The following POLR1C variants were observed in gnomAD, a reference collection of about 807,000 sequenced individuals.
POLR1C encodes the protein DNA-directed RNA polymerases I and III subunit RPAC1.
Under a neutral mutation model 38.3 loss-of-function variants are expected in POLR1C, and 42 were observed. The ratio of observed to expected loss-of-function variants is 1.10; its 90% CI spans 0.86 to 1.42. POLR1C has a LOEUF of 1.42. POLR1C is among the 40% of genes most tolerant of loss of function. POLR1C has a pLI of 0.00. For missense variants in POLR1C, 507 were observed against 450.5 expected (o/e 1.13, Z -1.14); for synonymous variants, 163 against 163.9 (o/e 0.99, Z 0.04).
At position 43,558,107 on chromosome 6, in the gene POLR1C, C is replaced by A. The variant is rs532130605; in HGVS notation, c.*49-3293C>A. 5.4e-5 allele frequency among the ~76,000 whole-genome samples: 8 copies of A among 147,894 alleles called. No homozygotes were observed. In the South Asian group the frequency reaches 8.6e-4, roughly 16 times the overall value. The stretch of plus-strand genomic sequence containing the variant: ...TGAAACTCCATCTCAAAAAAAAAAA[C>A]AAACAAAAAGGAAATAAGGCACAGA... On this transcript the variant is annotated intron_variant, in intron 10 of 10. Coordinates refer to the POLR1C transcript ENST00000607635.
At chr6:43,524,855 C>T (rs1793459459), downstream of POLR1C, 1 of 1,613,674 alleles carries the variant, frequency 6.2e-7, no homozygotes, top group Non-Finnish European at 8.5e-7. Flanking sequence ...TCTGGAAGGC[C>T]AGATGGACCA....
chr6:43,529,595 T>C (rs1793832885), downstream of POLR1C: 2 of 187,110 alleles, frequency 1.1e-5, no homozygotes, highest in Non-Finnish European at 2.2e-5. Context: ...ATTCAACTAT[T>C]AATAAGGGTC....
chr6:43,519,522 C>A, intron 3 of POLR1C, 82 bp downstream of exon 3: 2 of 1,339,126 alleles, frequency 1.5e-6, no homozygotes, highest in Non-Finnish European at 1.1e-6. Context: ...GTGTCTCAAG[C>A]TGTCCTTCCC....
Position 43,519,398 on chromosome 6 carries a change from C to A in POLR1C, c.207C>A (p.Asp69Glu). 1 of 1,613,726 alleles carries A rather than the reference C, an allele frequency of 6.2e-7. No individual in the cohort carries two copies. Among genetic ancestry groups the A allele is most frequent in the South Asian group, 1.1e-5 (1 of 91,068 alleles). Residue 69 changes from aspartate (D) to glutamate (E), a missense_variant, in exon 3 of 9, where the codon GAC becomes GAA. Transcript: ENST00000642195. ...NSLEFDMVGI[D>E]AAIANAFRRI... is the part of the protein sequence containing the mutation. ...TGGAGTTTGACATGGTGGGAATTGA[C>A]GCAGCCATTGCCAATGCTTTTCGAC...
intron 2 of POLR1C, 101 bp from the exon 3 acceptor site, chr6:43,519,232 G>T (rs188823884): frequency 1.3e-6 from 1 of 766,090 alleles, no homozygotes; most frequent in African/African-American, 1.7e-5. Context: ...GAGGTTTTTG[G>T]ATGAGAGGAT....
rs1023722569 is a variant in POLR1C, at chr6:43,553,223, G to C, written c.*48+2212G>C. ...AGCCTGAGGTAGGAGGATTGCTTGA[G>C]CCCAGGAGTTGGAGGTTACAGAGAG... On this transcript the variant is annotated intron_variant, in intron 10 of 10. Transcript: ENST00000607635. 33 of 981,240 alleles carry C rather than the reference G, an allele frequency of 3.4e-5. No individual in the cohort carries two copies. The African/African-American group carries it at 4.3e-4, about 13-fold the overall frequency. The allele number at this position is 981,240 out of a possible 1,614,324, so 60.8% of individuals were successfully genotyped here. A position where few individuals can be genotyped will look rare whatever the true frequency, so the allele number is the denominator to read the frequency against.
At chr6:43,518,680 A>G (rs2127688259) in intron 2 of POLR1C, among the ~76,000 whole-genome samples, 1 of 152,216 alleles carries the variant, frequency 6.6e-6, no homozygotes, top group East Asian at 1.9e-4. Context: ...AGTTCAAAAA[A>G]GGAGGAGATT....
At chr6:43,524,663 G>C (rs1468174882), downstream of POLR1C, 1 of 1,607,586 alleles carries the variant, frequency 6.2e-7, no homozygotes, top group Non-Finnish European at 8.5e-7. Flanking sequence ...AAACTTACTG[G>C]ATGTAGGTTT....
At chr6:43,554,278 G>C (rs191278648) in intron 10 of POLR1C, among the ~76,000 whole-genome samples, 4 of 150,944 alleles carry the variant, frequency 2.6e-5, no homozygotes, top group Admixed American at 6.6e-5. Context: ...GCTAATTTTT[G>C]TATTTTTTTT....
intron 9 of POLR1C, among the ~76,000 whole-genome samples, chr6:43,535,859 A>T (rs1321825756): frequency 6.7e-6 from 1 of 149,604 alleles, no homozygotes; most frequent in African/African-American, 2.5e-5. Flanking sequence ...GCAGTGGCTC[A>T]CGCCTGTAAT....
chr6:43,521,390 G>A lies in POLR1C; in HGVS notation c.*90G>A, dbSNP rs1372288850. ...GAACAGAGAGCCCAGTGTGACTAGGGATCCTGAGTTTTCTGGGACAATTCC... is the reference window on the plus strand; with the variant it reads ...GAACAGAGAGCCCAGTGTGACTAGGAATCCTGAGTTTTCTGGGACAATTCC... On this transcript the variant is annotated 3_prime_UTR_variant, in exon 9 of 9. Transcript: ENST00000642195. 13 of 1,601,734 alleles carry A rather than the reference G, an allele frequency of 8.1e-6. No individual in the cohort carries two copies. Among genetic ancestry groups the A allele is most frequent in the Admixed American group, 3.4e-5 (2 of 59,390 alleles).
intron 9 of POLR1C, among the ~76,000 whole-genome samples, chr6:43,540,568 G>A (rs1048526003): frequency 3.3e-5 from 5 of 152,280 alleles, no homozygotes; most frequent in African/African-American, 1.2e-4. Context: ...CAGGAGAAGC[G>A]CTTGAACCTG....
chr6:43,562,084 T>C (rs1325744872), exon 11 of POLR1C: 4 of 527,470 alleles, frequency 7.6e-6, no homozygotes, highest in Non-Finnish European at 1.3e-5. Context: ...TCAAACACTA[T>C]TCTATTAAGA....
rs780211700 is a variant in POLR1C, at chr6:43,555,809, TA to T, written c.*48+4800del. 10 of 1,613,384 alleles carry T rather than the reference TA, an allele frequency of 6.2e-6. No individual in the cohort carries two copies. The South Asian group carries it at 9.9e-5, about 16-fold the overall frequency. Reference sequence around the variant, plus strand: ...TTTTGATACTGTCCTAACATTTCACTAACATTCAGTAATGAAAAAAACTTAC... The same window carrying T: ...TTTTGATACTGTCCTAACATTTCACTACATTCAGTAATGAAAAAAACTTAC... On this transcript the variant is annotated intron_variant, in intron 10 of 10. Coordinates refer to the POLR1C transcript ENST00000607635.
At chr6:43,531,665 G>T, downstream of POLR1C, 1 of 1,126,350 alleles carries the variant, frequency 8.9e-7, no homozygotes, top group Non-Finnish European at 1.4e-6. Context: ...GTTGTTCAGG[G>T]GTGAAGATGT....
In POLR1C at chr6:43,527,615, G is replaced by A. The variant is rs367580698; in HGVS notation, c.923-1634G>A. 369 of 1,613,344 alleles carry A rather than the reference G, an allele frequency of 2.3e-4. 6 individuals carry two copies. The South Asian group carries it at 3.6e-3, about 16-fold the overall frequency. On this transcript the variant is annotated intron_variant, in intron 8 of 8. Coordinates refer to the POLR1C transcript ENST00000304004. ...TCCAGGAAAATCCTCTATAGCCCCA[G>A]TTTCGACATGCCACTTACTGATTAG...
intron 9 of POLR1C, chr6:43,549,581 G>GA (rs1277724578): frequency 4.3e-6 from 7 of 1,612,082 alleles, no homozygotes; most frequent in Non-Finnish European, 5.1e-6. Context: ...CTGGGGGCCT[G>GA]AAAAGAGACA....
At chr6:43,542,960 C>T (rs1230764860) in intron 9 of POLR1C, among the ~76,000 whole-genome samples, 1 of 151,752 alleles carries the variant, frequency 6.6e-6, no homozygotes, top group African/African-American at 2.4e-5. Flanking sequence ...AAAATATCAC[C>T]CAAAGGTCCA....
At chr6:43,528,538 T>G (rs1172094889) in intron 8 of POLR1C, among the ~76,000 whole-genome samples, 1 of 152,126 alleles carries the variant, frequency 6.6e-6, no homozygotes, top group Non-Finnish European at 1.5e-5. Flanking sequence ...GACCCAGCAT[T>G]CCTGGCAAGG....
Sources: gnomAD v4.1 joint callset for allele counts (sites outside exome capture counted in the v4.1 genomes callset) on GRCh38, gnomAD v4.1.1 for gene constraint, MANE v1.5 for transcripts, NCBI Gene and HGNC (gene_info 2026-07-23, HGNC 2026-07-21) for gene names.